The following RPS6KC1 variants were observed in gnomAD, a reference collection of about 807,000 sequenced individuals.
RPS6KC1 encodes the protein ribosomal protein S6 kinase C1.
In RPS6KC1, 54 loss-of-function variants were observed where a neutral mutation model predicts 103.8. That is an observed-to-expected ratio of 0.52 (90% CI 0.42 to 0.65). The LOEUF (loss-of-function observed/expected upper bound fraction) is 0.65. Among genes scored for constraint, RPS6KC1 ranks in the 30% least tolerant of loss-of-function variants. The probability of loss-of-function intolerance (pLI) is 0.00; values close to 1 mark genes in which losing one functional copy is unlikely to be tolerated. For missense variants in RPS6KC1, 1,151 were observed against 1,253.8 expected (o/e 0.92, Z 1.24); for synonymous variants, 439 against 438.7 (o/e 1.00, Z -0.01).
the RPS6KC1 span, among the ~76,000 whole-genome samples, chr1:213,743,570 G>A: frequency 6.6e-6 from 1 of 152,322 alleles, no homozygotes; most frequent in Admixed American, 6.5e-5. Flanking sequence ...GAGAAAGCCT[G>A]ACTTCAATGC....
the RPS6KC1 span, among the ~76,000 whole-genome samples, chr1:213,429,324 T>C: frequency 6.6e-6 from 1 of 152,122 alleles, no homozygotes; most frequent in Non-Finnish European, 1.5e-5. Flanking sequence ...CAGCTAAGTT[T>C]TGTGCTTTTT....
intron 8 of RPS6KC1, among the ~76,000 whole-genome samples, chr1:213,226,962 A>G (rs971002459): frequency 2.0e-5 from 3 of 152,194 alleles, no homozygotes; most frequent in African/African-American, 4.8e-5. Flanking sequence ...GAGCCAGACT[A>G]CCCTCTACCA....
At chr1:213,653,246 C>T in the RPS6KC1 span, among the ~76,000 whole-genome samples, 1 of 152,132 alleles carries the variant, frequency 6.6e-6, no homozygotes, top group Non-Finnish European at 1.5e-5. Flanking sequence ...ATAGCTTGAG[C>T]CATGAGTTTG....
the RPS6KC1 span, among the ~76,000 whole-genome samples, chr1:213,396,070 G>A: frequency 6.6e-6 from 1 of 152,200 alleles, no homozygotes; most frequent in African/African-American, 2.4e-5. Context: ...TCAGGCTTAG[G>A]GGAGGGATGG....
the RPS6KC1 span, among the ~76,000 whole-genome samples, chr1:213,286,733 G>A: frequency 6.6e-6 from 1 of 152,192 alleles, no homozygotes; most frequent in Non-Finnish European, 1.5e-5. Context: ...TCAATGGATG[G>A]ATACAGGCAT....
At chr1:213,410,139 G>A in the RPS6KC1 span, among the ~76,000 whole-genome samples, 1 of 152,334 alleles carries the variant, frequency 6.6e-6, no homozygotes, top group Middle Eastern at 3.4e-3. Flanking sequence ...GGGCAACAGA[G>A]TGAGACTGTG....
At chr1:213,453,551 C>T in the RPS6KC1 span, among the ~76,000 whole-genome samples, 3 of 152,044 alleles carry the variant, frequency 2.0e-5, no homozygotes, top group African/African-American at 7.2e-5. Context: ...TGCTAAGGGC[C>T]AGGACAGGTG....
At chr1:213,618,963 G>C in the RPS6KC1 span, among the ~76,000 whole-genome samples, 1 of 152,134 alleles carries the variant, frequency 6.6e-6, no homozygotes, top group Non-Finnish European at 1.5e-5. Context: ...CAGTGATGGC[G>C]ACACACACGT....
At chr1:213,530,295 T>G in the RPS6KC1 span, among the ~76,000 whole-genome samples, 7 of 152,330 alleles carry the variant, frequency 4.6e-5, no homozygotes, top group East Asian at 1.9e-4. Context: ...TGCTGCTGCT[T>G]CTTTTCTTCT....
intron 1 of RPS6KC1, among the ~76,000 whole-genome samples, chr1:213,067,814 G>C (rs907935002): frequency 1.3e-5 from 2 of 152,104 alleles, no homozygotes; most frequent in Admixed American, 1.3e-4. Flanking sequence ...CTGATAAGAT[G>C]GTTTTAATAT....
the RPS6KC1 span, among the ~76,000 whole-genome samples, chr1:213,567,979 A>G: frequency 6.6e-6 from 1 of 152,218 alleles, no homozygotes; most frequent in East Asian, 1.9e-4. Flanking sequence ...GTTGCCTGTC[A>G]GGTCCAGCTT....
the RPS6KC1 span, among the ~76,000 whole-genome samples, chr1:213,806,780 T>A: frequency 2.0e-5 from 3 of 147,310 alleles, no homozygotes; most frequent in African/African-American, 7.5e-5. Flanking sequence ...TCCATTTACA[T>A]TTAAAGTTAA....
At chr1:213,676,833 G>A in the RPS6KC1 span, among the ~76,000 whole-genome samples, 1 of 152,172 alleles carries the variant, frequency 6.6e-6, no homozygotes, top group African/African-American at 2.4e-5. Context: ...TCAATAAAAT[G>A]TCCCCCAACC....
intron 4 of RPS6KC1, among the ~76,000 whole-genome samples, chr1:213,104,865 G>A (rs1052416914): frequency 6.6e-6 from 1 of 150,928 alleles, no homozygotes; most frequent in African/African-American, 2.4e-5. Context: ...GCCTCCTGTT[G>A]CCTCAGACTC....
At chr1:213,793,844 A>G in the RPS6KC1 span, among the ~76,000 whole-genome samples, 1 of 152,056 alleles carries the variant, frequency 6.6e-6, no homozygotes, top group Non-Finnish European at 1.5e-5. Context: ...GCAGCTTTGA[A>G]TGTGTGTAGG....
At chr1:213,821,160 A>C in the RPS6KC1 span, 2 of 152,630 alleles carry the variant, frequency 1.3e-5, no homozygotes, top group South Asian at 4.1e-4. Context: ...TTACTCTGCT[A>C]TTCTCCATGA....
At chr1:213,154,691 C>G (rs919774960) in intron 6 of RPS6KC1, among the ~76,000 whole-genome samples, 7 of 152,246 alleles carry the variant, frequency 4.6e-5, no homozygotes, top group Non-Finnish European at 8.8e-5. Flanking sequence ...AAATGCTGTT[C>G]AATAGTCAAG....
At chr1:213,832,230 G>C in the RPS6KC1 span, among the ~76,000 whole-genome samples, 2 of 152,110 alleles carry the variant, frequency 1.3e-5, no homozygotes, top group African/African-American at 2.4e-5. Context: ...TTAACCTTAG[G>C]GGGAAGAAGC....
At chr1:213,744,721 C>T in the RPS6KC1 span, among the ~76,000 whole-genome samples, 1 of 152,254 alleles carries the variant, frequency 6.6e-6, no homozygotes, top group East Asian at 1.9e-4. Flanking sequence ...ATACTCCTTA[C>T]ACTCCAGCTT....
Sources: allele counts gnomAD v4.1 joint callset (sites outside exome capture counted in the v4.1 genomes callset), GRCh38; gene constraint gnomAD v4.1.1; transcripts MANE v1.5; gene names NCBI Gene and HGNC (gene_info 2026-07-23, HGNC 2026-07-21).